Variants in PTPRK observed in about 807,000 individuals in gnomAD.
PTPRK encodes protein tyrosine phosphatase receptor type K.
A neutral mutation model predicts 178.0 loss-of-function variants in PTPRK; 75 were observed. The ratio of observed to expected loss-of-function variants is 0.42; its 90% CI spans 0.35 to 0.51. The LOEUF is 0.51. Among genes scored for constraint, PTPRK ranks in the 20% least tolerant of loss-of-function variants. The pLI is 0.02. For synonymous variants in PTPRK, 637 were observed against 620.6 expected (o/e 1.03, Z -0.39); for missense variants, 1,441 against 1,797.8 (o/e 0.80, Z 3.59).
At chr6:128,237,425 C>T (rs1051026703) in intron 5 of PTPRK, among the ~76,000 whole-genome samples, 25 of 152,146 alleles carry the variant, frequency 1.6e-4, no homozygotes, top group Admixed American at 8.5e-4. Flanking sequence ...AGCATTTGTT[C>T]TCACAATGAT....
chr6:128,437,626 C>T (rs993978327), intron 1 of PTPRK, among the ~76,000 whole-genome samples: 1 of 152,108 alleles, frequency 6.6e-6, no homozygotes, highest in African/African-American at 2.4e-5. Flanking sequence ...ATTATTTAGG[C>T]GGTAATTAAG....
intron 14 of PTPRK, chr6:128,006,126 C>A: frequency 1.9e-6 from 2 of 1,080,992 alleles, no homozygotes; most frequent in Non-Finnish European, 2.6e-6. Context: ...CTGTCACATT[C>A]AATAAAGCAG....
At chr6:128,348,643 T>G (rs905168688) in intron 2 of PTPRK, among the ~76,000 whole-genome samples, 51 of 152,148 alleles carry the variant, frequency 3.4e-4, no homozygotes, top group African/African-American at 1.2e-3. Flanking sequence ...TTTTCCCTAT[T>G]TCCATTCTTT....
At position 128,093,596 on chromosome 6, in the gene PTPRK, CAAAAA is replaced by C. The variant is rs1172145765; in HGVS notation, c.1163-3609_1163-3605del. ...GGTGACAGAGCAAGAGACTCTCTCTCAAAAAAAAAAAAAAAAAAAAAAAAAAACGA... is the reference window on the plus strand; with the variant it reads ...GGTGACAGAGCAAGAGACTCTCTCTCAAAAAAAAAAAAAAAAAAAAAACGA... On this transcript the variant is annotated intron_variant, in intron 7 of 29. Coordinates refer to ENST00000368226, the MANE Select transcript of PTPRK (RefSeq NM_002844.4). Among the ~76,000 whole-genome samples, 20 of 6,256 alleles carry C rather than the reference CAAAAA, an allele frequency of 3.2e-3. No individual in the cohort carries two copies. The East Asian group carries it at 0.11, about 34-fold the overall frequency. 4.1% of individuals were successfully genotyped at this position (6,256 alleles called of 152,430 possible).
intron 3 of PTPRK, among the ~76,000 whole-genome samples, chr6:128,315,387 T>A (rs868694580): frequency 1.3e-5 from 2 of 152,148 alleles, no homozygotes; most frequent in South Asian, 2.1e-4. Flanking sequence ...CTGAGAAGAA[T>A]GATTTTTTAA....
At chr6:128,435,126 AAGGCAGGCAGGCAGGC>A (rs775750807) in intron 1 of PTPRK, among the ~76,000 whole-genome samples, 19 of 79,478 alleles carry the variant, frequency 2.4e-4, no homozygotes, top group Non-Finnish European at 3.6e-4. Context: ...GGCAGGCAGG[AAGGCAGGCAGGCAGGC>A]AGGCAGGCAG....
chr6:128,062,356 T>G (rs1287897141), intron 13 of PTPRK: 1 of 166,844 alleles, frequency 6.0e-6, no homozygotes, highest in Non-Finnish European at 1.5e-5. Flanking sequence ...CAGGCACAAG[T>G]CACCATGCCT....
intron 7 of PTPRK, among the ~76,000 whole-genome samples, chr6:128,153,598 A>G (rs1797577394): frequency 6.6e-6 from 1 of 151,966 alleles, no homozygotes; most frequent in African/African-American, 2.4e-5. Context: ...GCAGCTCTAC[A>G]GTTTGAAATC....
At chr6:128,292,530 T>A (rs1038026599) in intron 3 of PTPRK, among the ~76,000 whole-genome samples, 7 of 152,104 alleles carry the variant, frequency 4.6e-5, no homozygotes, top group Admixed American at 2.6e-4. Context: ...AGATATTATT[T>A]TAGATTTATT....
rs1487843628 is a variant in PTPRK, at chr6:128,304,116, G to C, written c.495+17923C>G. On this transcript the variant is annotated intron_variant, in intron 3 of 29. Coordinates refer to ENST00000368226, the MANE Select transcript of PTPRK (RefSeq NM_002844.4). Reference sequence around the variant, plus strand: ...ACCTAAAAAGACCAAGAGAGGCACAGTAGTGCCTTCTGCTCTTCACTGCTA... The same window carrying C: ...ACCTAAAAAGACCAAGAGAGGCACACTAGTGCCTTCTGCTCTTCACTGCTA... 4.6e-5 allele frequency among the ~76,000 whole-genome samples: 7 copies of C among 152,346 alleles called. No individual in the cohort carries two copies. The East Asian group carries it at 1.2e-3, about 25-fold the overall frequency.
intron 1 of PTPRK, among the ~76,000 whole-genome samples, chr6:128,505,600 C>A (rs1443676056): frequency 6.6e-6 from 1 of 152,188 alleles, no homozygotes; most frequent in East Asian, 1.9e-4. Context: ...CAGTGACATT[C>A]AAGCCTGCAG....
intron 2 of PTPRK, among the ~76,000 whole-genome samples, chr6:128,354,307 G>T (rs534201647): frequency 2.6e-4 from 31 of 118,586 alleles, no homozygotes; most frequent in Admixed American, 1.1e-3. Context: ...GCACCATCTC[G>T]GCTCACTGCA....
intron 2 of PTPRK, among the ~76,000 whole-genome samples, chr6:128,372,282 T>G (rs1836405336): frequency 6.6e-6 from 1 of 152,178 alleles, no homozygotes; most frequent in Admixed American, 6.6e-5. Flanking sequence ...GGCAAAAGAA[T>G]ACCAGGAAAT....
chr6:128,429,692 A>T (rs1404907592), intron 1 of PTPRK, among the ~76,000 whole-genome samples: 1 of 152,188 alleles, frequency 6.6e-6, no homozygotes, highest in Non-Finnish European at 1.5e-5. Context: ...AATGTTTTAA[A>T]GGGGCATTTC....
chr6:128,134,009 A>G (rs970614389), intron 7 of PTPRK, among the ~76,000 whole-genome samples: 8 of 152,212 alleles, frequency 5.3e-5, no homozygotes, highest in East Asian at 1.9e-4. Context: ...CAAAGTGACA[A>G]AACAGTTTTG....
intron 6 of PTPRK, among the ~76,000 whole-genome samples, chr6:128,189,382 G>C (rs916407871): frequency 1.5e-4 from 22 of 151,386 alleles, no homozygotes; most frequent in South Asian, 4.2e-4. Flanking sequence ...CGGGACTACA[G>C]GTGCATGCCA....
chr6:127,991,442 A>C (rs1344572031), intron 19 of PTPRK, 51 bp from the exon 20 acceptor site: 2 of 1,409,762 alleles, frequency 1.4e-6, no homozygotes, highest in East Asian at 5.0e-5. Flanking sequence ...TTTTGTAGTT[A>C]GTAAGAAGTT....
intron 7 of PTPRK, among the ~76,000 whole-genome samples, chr6:128,124,655 T>C (rs1793041105): frequency 6.6e-6 from 1 of 152,154 alleles, no homozygotes; most frequent in Non-Finnish European, 1.5e-5. Context: ...GTTATTATTT[T>C]TTTTTTCTGT....
Position 128,012,473 on chromosome 6 carries a change from G to C in PTPRK, c.2195-3205C>G, listed in dbSNP as rs1485638004. 2.0e-5 allele frequency among the ~76,000 whole-genome samples: 3 copies of C among 151,164 alleles called. No individual in the cohort carries two copies. The East Asian group carries it at 5.8e-4, about 29-fold the overall frequency. On this transcript the variant is annotated intron_variant, in intron 13 of 29. Coordinates refer to ENST00000368226, the MANE Select transcript of PTPRK (RefSeq NM_002844.4). ...TGCACATACACAAAGACAATGTGGA[G>C]CACCTTTTTCAGAAATGCTTTCCTT...
Sources: allele counts gnomAD v4.1 joint callset (sites outside exome capture counted in the v4.1 genomes callset), GRCh38; gene constraint gnomAD v4.1.1; transcripts MANE v1.5; gene names NCBI Gene and HGNC (gene_info 2026-07-23, HGNC 2026-07-21).